GALNT13: variants seen among roughly 807,000 people sequenced by gnomAD.
GALNT13 encodes the protein UDP-GalNAc:polypeptide N-acetylgalactosaminyltransferase 13.
Under a neutral mutation model 64.2 loss-of-function variants are expected in GALNT13, and 28 were observed. The observed-to-expected ratio is 0.44, with a 90% CI of 0.32 to 0.60. GALNT13 has a LOEUF of 0.60. Ranked by LOEUF, GALNT13 falls within the 20% of genes least tolerant of loss-of-function variation. The pLI is 0.05. For synonymous variants in GALNT13, 214 were observed against 224.6 expected, an observed-to-expected ratio of 0.95 and a Z score of 0.42; for missense variants, 577 against 669.8, an observed-to-expected ratio of 0.86 and a Z score of 1.53.
At chr2:153,505,645 A>G in the GALNT13 span, among the ~76,000 whole-genome samples, 6 of 151,656 alleles carry the variant, frequency 4.0e-5, no homozygotes, top group Admixed American at 3.9e-4. Context: ...CTTAATTTCT[A>G]TATATATATA....
chr2:154,161,684 G>A (rs758300569), intron 4 of GALNT13, among the ~76,000 whole-genome samples: 35 of 152,032 alleles, frequency 2.3e-4, no homozygotes, highest in Non-Finnish European at 4.3e-4. Context: ...AATAACACTT[G>A]GAAAATCATT....
the GALNT13 span, among the ~76,000 whole-genome samples, chr2:153,180,030 G>C: frequency 6.6e-6 from 1 of 151,886 alleles, no homozygotes; most frequent in Admixed American, 6.6e-5. Flanking sequence ...TCTTTCTATT[G>C]CGTAATTGCT....
At chr2:153,380,321 T>C in the GALNT13 span, among the ~76,000 whole-genome samples, 3 of 152,078 alleles carry the variant, frequency 2.0e-5, no homozygotes, top group Admixed American at 1.3e-4. Flanking sequence ...TTAAAATATA[T>C]GAGGAGGCTG....
the GALNT13 span, among the ~76,000 whole-genome samples, chr2:153,089,351 C>T: frequency 6.6e-6 from 1 of 152,296 alleles, no homozygotes; most frequent in Non-Finnish European, 1.5e-5. Context: ...TGCTGTTAAT[C>T]TGATATGTTT....
chr2:153,890,662 G>C (rs1391872152), intron 1 of GALNT13, among the ~76,000 whole-genome samples: 2 of 151,962 alleles, frequency 1.3e-5, no homozygotes, highest in African/African-American at 4.8e-5. Flanking sequence ...AACAACAACA[G>C]CAACAAAAAC....
the GALNT13 span, among the ~76,000 whole-genome samples, chr2:153,258,986 G>C: frequency 6.6e-6 from 1 of 152,144 alleles, no homozygotes; most frequent in African/African-American, 2.4e-5. Flanking sequence ...GTGCTGATAT[G>C]TCTGATGTTT....
the GALNT13 span, among the ~76,000 whole-genome samples, chr2:153,100,174 G>C: frequency 6.6e-6 from 1 of 152,168 alleles, no homozygotes; most frequent in African/African-American, 2.4e-5. Context: ...GAAAAGAGTA[G>C]ATGAGTTTAA....
At chr2:153,972,602 C>T (rs1043003988) in intron 3 of GALNT13, among the ~76,000 whole-genome samples, 3 of 151,942 alleles carry the variant, frequency 2.0e-5, no homozygotes, top group Admixed American at 6.6e-5. Flanking sequence ...AAAAATGCTA[C>T]AGATGAATTG....
chr2:154,062,292 G>T (rs1347264010), intron 3 of GALNT13, among the ~76,000 whole-genome samples: 1 of 151,992 alleles, frequency 6.6e-6, no homozygotes, highest in African/African-American at 2.4e-5. Context: ...ATTTTTATGT[G>T]ATTCTATTTT....
chr2:153,990,436 T>G (rs1443067034), intron 3 of GALNT13, among the ~76,000 whole-genome samples: 1 of 152,170 alleles, frequency 6.6e-6, no homozygotes, highest in African/African-American at 2.4e-5. Context: ...GTATAAGGTC[T>G]ACTTGTAAAA....
At chr2:153,652,855 A>G in the GALNT13 span, among the ~76,000 whole-genome samples, 1 of 152,216 alleles carries the variant, frequency 6.6e-6, no homozygotes, top group Non-Finnish European at 1.5e-5. Flanking sequence ...CAAAGAATTT[A>G]TAGGTGAATC....
intron 9 of GALNT13, among the ~76,000 whole-genome samples, chr2:154,328,098 A>G (rs750049855): frequency 1.2e-4 from 18 of 152,112 alleles, no homozygotes; most frequent in Non-Finnish European, 2.4e-4. Context: ...GAAAATGAAT[A>G]TCTTTGTCCC....
intron 3 of GALNT13, among the ~76,000 whole-genome samples, chr2:153,980,539 G>A (rs564860374): frequency 2.6e-5 from 4 of 152,186 alleles, no homozygotes; most frequent in South Asian, 2.1e-4. Flanking sequence ...ATGAGGTGTC[G>A]CGTGGGTGAT....
chr2:153,262,127 A>AAGGG, the GALNT13 span, among the ~76,000 whole-genome samples: 1 of 152,150 alleles, frequency 6.6e-6, no homozygotes, highest in East Asian at 1.9e-4. Flanking sequence ...CCTCAAGCAT[A>AAGGG]AGGGGTCTTT....
intron 4 of GALNT13, among the ~76,000 whole-genome samples, chr2:154,219,766 C>T (rs914430228): frequency 4.6e-5 from 7 of 151,952 alleles, no homozygotes; most frequent in African/African-American, 1.7e-4. Flanking sequence ...ATGGTTAGGT[C>T]CTATTCCCTG....
At chr2:154,354,489 C>A (rs1445536298) in intron 9 of GALNT13, among the ~76,000 whole-genome samples, 1 of 119,016 alleles carries the variant, frequency 8.4e-6, no homozygotes, top group Non-Finnish European at 1.6e-5. Flanking sequence ...AAAATCTTGG[C>A]CATGGCCATG....
At chr2:154,195,837 C>T (rs577975619) in intron 4 of GALNT13, among the ~76,000 whole-genome samples, 125 of 152,276 alleles carry the variant, frequency 8.2e-4, no homozygotes, top group Non-Finnish European at 1.6e-3. Context: ...GATTTTGCCA[C>T]TGGGGAGCAT....
chr2:153,766,259 G>A, the GALNT13 span, among the ~76,000 whole-genome samples: 3 of 151,664 alleles, frequency 2.0e-5, no homozygotes, highest in Non-Finnish European at 4.4e-5. Context: ...TATGTGATAT[G>A]TTCCTTATCT....
At chr2:153,766,536 ACTTC>A in the GALNT13 span, among the ~76,000 whole-genome samples, 1 of 151,856 alleles carries the variant, frequency 6.6e-6, no homozygotes. Context: ...ATTTTCACAG[ACTTC>A]CTTCATTCTT....
Sources: gnomAD v4.1 joint callset for allele counts (sites outside exome capture counted in the v4.1 genomes callset) on GRCh38, gnomAD v4.1.1 for gene constraint, MANE v1.5 for transcripts, NCBI Gene and HGNC (gene_info 2026-07-23, HGNC 2026-07-21) for gene names.